Variants in CDH12 observed in about 807,000 individuals in gnomAD.
CDH12 encodes the protein cadherin-12.
In CDH12, 41 loss-of-function variants were observed where a neutral mutation model predicts 74.1. That is an observed-to-expected ratio of 0.55 (90% confidence interval 0.43 to 0.72). CDH12 has a LOEUF of 0.72. Ranked by LOEUF, CDH12 falls within the 30% of genes least tolerant of loss-of-function variation. CDH12 has a pLI of 0.00. For missense variants in CDH12, 945 were observed against 977.2 expected (o/e 0.97, Z 0.44); for synonymous variants, 399 against 355.0 (o/e 1.12, Z -1.39).
intron 5 of CDH12, among the ~76,000 whole-genome samples, chr5:22,043,255 G>A (rs1370207444): frequency 6.6e-6 from 1 of 152,148 alleles, no homozygotes; most frequent in East Asian, 1.9e-4. Flanking sequence ...CCGTGAGCAA[G>A]TGGGTTTCAT....
At chr5:22,702,812 C>A (rs1289975112) in intron 1 of CDH12, among the ~76,000 whole-genome samples, 1 of 152,046 alleles carries the variant, frequency 6.6e-6, no homozygotes, top group African/African-American at 2.4e-5. Flanking sequence ...GCATGAGAGA[C>A]CCTGGTCCTT....
intron 5 of CDH12, among the ~76,000 whole-genome samples, chr5:22,042,889 C>CAA (rs1171549252): frequency 0.018 from 998 of 55,060 alleles, 18 homozygotes; most frequent in African/African-American, 0.042. Flanking sequence ...GATTCTATCT[C>CAA]AAAAAAAAAA....
At chr5:22,504,138 T>G (rs141041960) in intron 2 of CDH12, among the ~76,000 whole-genome samples, 26 of 152,074 alleles carry the variant, frequency 1.7e-4, no homozygotes, top group African/African-American at 5.8e-4. Flanking sequence ...TTTTGAATAT[T>G]GATGAGAACA....
At chr5:22,612,584 A>T (rs1419160857) in intron 1 of CDH12, among the ~76,000 whole-genome samples, 3 of 152,102 alleles carry the variant, frequency 2.0e-5, no homozygotes, top group Non-Finnish European at 4.4e-5. Flanking sequence ...AGATATAAAT[A>T]TGATCTGGTG....
intron 2 of CDH12, among the ~76,000 whole-genome samples, chr5:22,416,226 C>T (rs1196252605): frequency 6.6e-6 from 1 of 150,998 alleles, no homozygotes; most frequent in Non-Finnish European, 1.5e-5. Context: ...AGGCGCCCGC[C>T]ACCACGCCCG....
At chr5:22,093,061 G>A (rs1330463781) in intron 4 of CDH12, among the ~76,000 whole-genome samples, 1 of 152,078 alleles carries the variant, frequency 6.6e-6, no homozygotes, top group African/African-American at 2.4e-5. Context: ...TTATCCAGAG[G>A]ACAGGGGGTT....
At chr5:22,537,554 A>G (rs1170790224) in intron 1 of CDH12, among the ~76,000 whole-genome samples, 1 of 151,938 alleles carries the variant, frequency 6.6e-6, no homozygotes, top group Non-Finnish European at 1.5e-5. Context: ...CCCCTCCCCA[A>G]CCAAAGACAT....
At chr5:22,415,896 C>G (rs1300638848) in intron 2 of CDH12, among the ~76,000 whole-genome samples, 1 of 150,960 alleles carries the variant, frequency 6.6e-6, no homozygotes, top group East Asian at 2.0e-4. Flanking sequence ...GATACTATCC[C>G]AAACAAAACA....
chr5:21,884,050 G>A (rs1752502143), intron 6 of CDH12: 1 of 1,442,846 alleles, frequency 6.9e-7, no homozygotes, highest in South Asian at 1.1e-5. Context: ...GGTGTTGAAG[G>A]ATCTTTGATA....
intron 3 of CDH12, among the ~76,000 whole-genome samples, chr5:22,349,509 C>T (rs1740264515): frequency 6.6e-6 from 1 of 152,144 alleles, no homozygotes; most frequent in African/African-American, 2.4e-5. Flanking sequence ...ATAATACTTA[C>T]TCATAATTTT....
chr5:21,843,672 G>A (rs1041924356), intron 7 of CDH12, among the ~76,000 whole-genome samples: 3 of 151,994 alleles, frequency 2.0e-5, no homozygotes, highest in African/African-American at 4.8e-5. Flanking sequence ...GCGCCACCAT[G>A]CCTGGCTTAT....
At chr5:22,230,076 A>G (rs1752331110) in intron 3 of CDH12, among the ~76,000 whole-genome samples, 1 of 152,182 alleles carries the variant, frequency 6.6e-6, no homozygotes. Context: ...CAATTTAAAA[A>G]TGTAAAAATA....
At chr5:22,069,733 A>G (rs1465374889) in intron 5 of CDH12, among the ~76,000 whole-genome samples, 4 of 152,140 alleles carry the variant, frequency 2.6e-5, no homozygotes, top group African/African-American at 4.8e-5. Context: ...GCCAATGGGA[A>G]ATTGGATTGA....
At chr5:22,655,569 A>T (rs2126889843) in intron 1 of CDH12, among the ~76,000 whole-genome samples, 1 of 152,336 alleles carries the variant, frequency 6.6e-6, no homozygotes, top group African/African-American at 2.4e-5. Context: ...TTGAAGAAGG[A>T]CCTACAATTT....
intron 2 of CDH12, among the ~76,000 whole-genome samples, chr5:22,466,839 A>C (rs1234872061): frequency 8.9e-6 from 1 of 112,704 alleles, no homozygotes; most frequent in Non-Finnish European, 1.6e-5. Flanking sequence ...ACCAGGCTGG[A>C]GTGCAATGGC....
At chr5:22,578,602 C>T (rs1739914934) in intron 1 of CDH12, among the ~76,000 whole-genome samples, 1 of 152,138 alleles carries the variant, frequency 6.6e-6, no homozygotes, top group Non-Finnish European at 1.5e-5. Context: ...GTTTCCACTG[C>T]TTTCCCAGAA....
intron 4 of CDH12, among the ~76,000 whole-genome samples, chr5:22,101,742 G>T (rs367973228): frequency 6.6e-6 from 1 of 152,132 alleles, no homozygotes; most frequent in African/African-American, 2.4e-5. Context: ...TATTTCCAAG[G>T]AAATGTGATA....
chr5:21,892,319 T>G lies in CDH12; in HGVS notation c.527-37529A>C, dbSNP rs148061375. 4.0e-3 allele frequency among the ~76,000 whole-genome samples: 604 copies of G among 152,268 alleles called. 6 individuals carry two copies. In the South Asian group the frequency reaches 0.048, roughly 12 times the overall value. On this transcript the variant is annotated intron_variant, in intron 6 of 14. Transcript: ENST00000382254. ...GTGATGTGGTTATCAATCATGGTGA[T>G]GAGCTGTCTTGTTGTTTGATATGAA...
chr5:22,796,514 CTTTTTTTTTTTTTTT>C (rs70959756), intron 1 of CDH12, among the ~76,000 whole-genome samples: 1 of 59,754 alleles, frequency 1.7e-5, no homozygotes, highest in Non-Finnish European at 2.7e-5. Context: ...GATTTTTTAT[CTTTTTTTTTTTTTTT>C]TTTTTTTTGA....
Sources: allele counts gnomAD v4.1 joint callset (sites outside exome capture counted in the v4.1 genomes callset), GRCh38; gene constraint gnomAD v4.1.1; transcripts MANE v1.5; gene names NCBI Gene and HGNC (gene_info 2026-07-23, HGNC 2026-07-21).